UBR2: variants seen among roughly 807,000 people sequenced by gnomAD.
The protein encoded by UBR2 is E3 ubiquitin-protein ligase UBR2.
A neutral mutation model predicts 247.9 loss-of-function variants in UBR2; 92 were observed. The ratio of observed to expected loss-of-function variants is 0.37; its 90% CI spans 0.31 to 0.44. The LOEUF (loss-of-function observed/expected upper bound fraction) is 0.44, where lower values mean the gene tolerates loss of function less well. Among genes scored for constraint, UBR2 ranks in the 20% least tolerant of loss-of-function variants. The pLI is 1.00. For synonymous variants in UBR2, 672 were observed against 693.5 expected (o/e 0.97, Z 0.49); for missense variants, 1,613 against 2,112.6 (o/e 0.76, Z 4.64).
At chr6:42,685,930 G>T (rs553315570) in intron 44 of UBR2, among the ~76,000 whole-genome samples, 1 of 151,874 alleles carries the variant, frequency 6.6e-6, no homozygotes, top group African/African-American at 2.4e-5. Context: ...CTAGACAGTT[G>T]AAGCTCCCCA....
chr6:42,688,492 C>A, intron 45 of UBR2, 106 bp downstream of exon 45: 1 of 1,317,262 alleles, frequency 7.6e-7, no homozygotes, highest in South Asian at 1.4e-5. Context: ...ACTACTGTTC[C>A]GTGTGATTCA....
chr6:42,640,654 C>T (rs1345199037), intron 16 of UBR2, among the ~76,000 whole-genome samples: 1 of 152,138 alleles, frequency 6.6e-6, no homozygotes, highest in East Asian at 1.9e-4. Context: ...AGTCTTTTCT[C>T]AAGGCCTTCA....
intron 36 of UBR2, among the ~76,000 whole-genome samples, chr6:42,671,391 C>G (rs981994135): frequency 2.2e-5 from 3 of 134,180 alleles, no homozygotes; most frequent in African/African-American, 8.6e-5. Flanking sequence ...GGCTGTGCAA[C>G]AGCACAAGAT....
rs1797550634 is a variant in UBR2 at position 42,658,158 on chromosome 6, T to C, written c.2982+25T>C. The C allele has an allele frequency of 1.9e-6, 3 of 1,612,296 alleles. No individual in the cohort carries two copies. The South Asian group carries it at 3.3e-5, about 18-fold the overall frequency. ...GGTAAAATTTCCACATTCCTCTGCT[T>C]TTTGTGAGAAATATTGAATATTTGT... On this transcript the variant is annotated intron_variant, in intron 27 of 46. Transcript: ENST00000372901.
At chr6:42,618,279 G>A (rs1395371844) in intron 11 of UBR2, among the ~76,000 whole-genome samples, 4 of 152,180 alleles carry the variant, frequency 2.6e-5, no homozygotes, top group Non-Finnish European at 4.4e-5. Context: ...ATGAGGGAAG[G>A]TCCATACAAA....
intron 2 of UBR2, among the ~76,000 whole-genome samples, chr6:42,579,062 A>T (rs1444519958): frequency 6.6e-6 from 1 of 152,176 alleles, no homozygotes; most frequent in Admixed American, 6.5e-5. Context: ...CTGTTCTTGC[A>T]TTGCTATAAA....
intron 44 of UBR2, among the ~76,000 whole-genome samples, chr6:42,686,666 G>A (rs956482373): frequency 4.0e-5 from 6 of 151,154 alleles, no homozygotes; most frequent in Non-Finnish European, 8.9e-5. Flanking sequence ...GGGCAGAGGC[G>A]CCCCCCACCT....
At position 42,684,998 on chromosome 6, in the gene UBR2, G is replaced by A. The variant is rs146137943; in HGVS notation, c.4853+127G>A. On this transcript the variant is annotated intron_variant, in intron 44 of 46. Transcript: ENST00000372901. The stretch of plus-strand genomic sequence containing the variant: ...TCATATCTGTAGTCCTTTATGAGAG[G>A]AGAGGGAGAAAAAAGGAAAAAAAGA... 112 of 719,230 alleles carry A rather than the reference G, an allele frequency of 1.6e-4. No individual in the cohort carries two copies. In the African/African-American group the frequency reaches 1.9e-3, roughly 12 times the overall value. The allele number at this position is 719,230 out of a possible 1,614,324, so 44.6% of individuals were successfully genotyped here.
chr6:42,630,513 A>G (rs1388450261), intron 11 of UBR2, among the ~76,000 whole-genome samples: 1 of 151,766 alleles, frequency 6.6e-6, no homozygotes, highest in African/African-American at 2.4e-5. Flanking sequence ...CCTAAAGACA[A>G]TTAGAATCTA....
intron 4 of UBR2, among the ~76,000 whole-genome samples, chr6:42,597,511 A>C (rs991340214): frequency 2.0e-5 from 3 of 151,576 alleles, no homozygotes; most frequent in African/African-American, 7.3e-5. Flanking sequence ...TAAGGGGATC[A>C]CCAAAGCCAG....
chr6:42,610,731 T>G (rs1794012617), intron 7 of UBR2, among the ~76,000 whole-genome samples: 1 of 152,136 alleles, frequency 6.6e-6, no homozygotes, highest in Non-Finnish European at 1.5e-5. Context: ...ATGGCGAGTT[T>G]CACTTTTGCA....
chr6:42,672,633 A>G (rs1798514040), intron 36 of UBR2, among the ~76,000 whole-genome samples: 2 of 152,054 alleles, frequency 1.3e-5, no homozygotes, highest in Admixed American at 1.3e-4. Context: ...CAGTTCCTCA[A>G]TGCTAGTTCC....
intron 30 of UBR2, among the ~76,000 whole-genome samples, chr6:42,661,000 A>T (rs1360868412): frequency 5.3e-5 from 7 of 132,790 alleles, no homozygotes; most frequent in Admixed American, 4.3e-4. Flanking sequence ...TGTTTTTAAA[A>T]AAAAAAAAAA....
intron 13 of UBR2, among the ~76,000 whole-genome samples, chr6:42,633,708 T>G (rs1462249994): frequency 4.1e-5 from 6 of 145,910 alleles, no homozygotes; most frequent in African/African-American, 7.5e-5. Flanking sequence ...GGGGTTGTTT[T>G]TTTGTTTGTT....
At chr6:42,662,323 C>T (rs768999384) in intron 31 of UBR2, 46 bp downstream of exon 31, 2 of 1,222,816 alleles carry the variant, frequency 1.6e-6, no homozygotes, top group Non-Finnish European at 2.3e-6. Flanking sequence ...TATCTAAGGG[C>T]TCAATATTTT....
chr6:42,652,424 G>A, intron 24 of UBR2, 67 bp from the exon 25 acceptor site: 2 of 1,487,294 alleles, frequency 1.3e-6, no homozygotes, highest in Non-Finnish European at 1.8e-6. Context: ...ACTATCAAAA[G>A]TAACAAAGAG....
chr6:42,638,931 C>T (rs2079120774), intron 15 of UBR2, among the ~76,000 whole-genome samples: 1 of 152,010 alleles, frequency 6.6e-6, no homozygotes. Flanking sequence ...TAAAAATGTA[C>T]TAATTTCTGC....
intron 7 of UBR2, among the ~76,000 whole-genome samples, chr6:42,608,919 T>C (rs950031409): frequency 6.6e-6 from 1 of 152,236 alleles, no homozygotes; most frequent in African/African-American, 2.4e-5. Flanking sequence ...GTATGTTTTA[T>C]GACTTGTTTA....
chr6:42,674,754 C>T (rs1192530170), intron 38 of UBR2, among the ~76,000 whole-genome samples: 1 of 151,566 alleles, frequency 6.6e-6, no homozygotes, highest in Non-Finnish European at 1.5e-5. Context: ...GAGCAAGACC[C>T]CATCCAAAAA....
Sources: allele counts gnomAD v4.1 joint callset (sites outside exome capture counted in the v4.1 genomes callset), GRCh38; gene constraint gnomAD v4.1.1; transcripts MANE v1.5; gene names NCBI Gene and HGNC (gene_info 2026-07-23, HGNC 2026-07-21).